The following MTA3 variants were observed in gnomAD, a reference collection of about 807,000 sequenced individuals.
MTA3 encodes the protein metastasis associated 1 family member 3, also known as metastasis-associated protein MTA3.
In MTA3, 34 loss-of-function variants were observed where a neutral mutation model predicts 83.5. The observed-to-expected ratio is 0.41, with a 90% CI of 0.31 to 0.54. MTA3 has a LOEUF of 0.54. MTA3 is among the 20% of genes least tolerant of loss of function. The probability of loss-of-function intolerance (pLI) is 0.33; values close to 1 mark genes in which losing one functional copy is unlikely to be tolerated. For missense variants in MTA3, 761 were observed against 726.4 expected (o/e 1.05, Z -0.55); for synonymous variants, 303 against 252.7 (o/e 1.20, Z -1.89).
intron 4 of MTA3, among the ~76,000 whole-genome samples, chr2:42,622,284 CAAT>C (rs1249543053): frequency 6.6e-6 from 1 of 152,034 alleles, no homozygotes; most frequent in Non-Finnish European, 1.5e-5. Flanking sequence ...CGCGCGCCTG[CAAT>C]CGCAGGCACT....
intron 2 of MTA3, among the ~76,000 whole-genome samples, chr2:42,576,144 G>GTA (rs1300145967): frequency 2.0e-5 from 3 of 152,210 alleles, no homozygotes; most frequent in Non-Finnish European, 2.9e-5. Flanking sequence ...TGAACAAGAT[G>GTA]TACATGGTCT....
intron 16 of MTA3, among the ~76,000 whole-genome samples, chr2:42,746,011 A>C (rs1669387104): frequency 6.6e-6 from 1 of 151,136 alleles, no homozygotes; most frequent in African/African-American, 2.4e-5. Flanking sequence ...ACGGGGTTTC[A>C]CCATGTTAGC....
intron 4 of MTA3, among the ~76,000 whole-genome samples, chr2:42,639,274 TG>T (rs1687485924): frequency 6.6e-6 from 1 of 152,160 alleles, no homozygotes; most frequent in African/African-American, 2.4e-5. Flanking sequence ...TGTTTTTGCA[TG>T]TTGGCTTTTG....
chr2:42,711,832 C>G (rs1405751783), intron 14 of MTA3, among the ~76,000 whole-genome samples: 1 of 102,408 alleles, frequency 9.8e-6, no homozygotes, highest in Non-Finnish European at 1.9e-5. Context: ...GTAAGTTTTC[C>G]TTAGTTTCTC....
At chr2:42,586,132 C>T (rs1680250608) in intron 3 of MTA3, among the ~76,000 whole-genome samples, 1 of 151,862 alleles carries the variant, frequency 6.6e-6, no homozygotes, top group African/African-American at 2.4e-5. Flanking sequence ...GCAAAATTAA[C>T]TGGGCATGGC....
chr2:42,530,260 C>A (rs916789419), intron 2 of MTA3, among the ~76,000 whole-genome samples: 2 of 151,648 alleles, frequency 1.3e-5, no homozygotes, highest in African/African-American at 4.8e-5. Context: ...GAGGCCAAGA[C>A]AGGCGGATCA....
chr2:42,582,079 A>G (rs961252790), intron 3 of MTA3, among the ~76,000 whole-genome samples: 2 of 149,234 alleles, frequency 1.3e-5, no homozygotes, highest in Admixed American at 1.3e-4. Context: ...TTTTTTTGAG[A>G]CGGAGTCTTG....
chr2:42,565,105 G>C (rs373836544), upstream of MTA3, among the ~76,000 whole-genome samples: 1 of 151,326 alleles, frequency 6.6e-6, no homozygotes, highest in African/African-American at 2.4e-5. Flanking sequence ...TTATTTTTTC[G>C]CACATATAAA....
chr2:42,748,101 T>C (rs1430556740), intron 16 of MTA3, among the ~76,000 whole-genome samples: 1 of 152,122 alleles, frequency 6.6e-6, no homozygotes, highest in Admixed American at 6.6e-5. Flanking sequence ...CGATCTCAGC[T>C]CTCTGCAACC....
At chr2:42,548,185 C>G (rs1676846176) in intron 2 of MTA3, among the ~76,000 whole-genome samples, 1 of 150,834 alleles carries the variant, frequency 6.6e-6, no homozygotes, top group Non-Finnish European at 1.5e-5. Flanking sequence ...TTAAAGGGGG[C>G]CGGGCGCGCT....
In MTA3 at chr2:42,753,677, C is replaced by T; in HGVS notation, c.*278C>T. 7.8e-7 allele frequency: 1 copy of T among 1,283,636 alleles called. No homozygotes were observed. The allele number at this position is 1,283,636 out of a possible 1,614,324, so 79.5% of individuals were successfully genotyped here. On this transcript the variant is annotated 3_prime_UTR_variant, in exon 17 of 17. Transcript: ENST00000405094. ...GAGAATTGAGGGGCTGAGGGAACCC[C>T]TCCACCTCCTCCCTTCTGCAGCGCC...
intron 9 of MTA3, among the ~76,000 whole-genome samples, chr2:42,694,925 A>G (rs763902337): frequency 9.9e-5 from 15 of 151,804 alleles, no homozygotes; most frequent in Non-Finnish European, 2.2e-4. Context: ...GATTCCTTGA[A>G]CCTAGTTGTT....
chr2:42,521,888 G>A (rs140916418), intron 2 of MTA3, among the ~76,000 whole-genome samples: 1,540 of 151,822 alleles, frequency 0.01, 19 homozygotes, highest in African/African-American at 0.031. Context: ...CTGAGTAGCC[G>A]GGATTACAGG....
chr2:42,753,624 A>AC lies in MTA3; in HGVS notation c.*227dup. 1 of 1,356,064 alleles carries AC rather than the reference A, an allele frequency of 7.4e-7. No homozygotes were observed. Among genetic ancestry groups the AC allele is most frequent in the South Asian group, 1.6e-5 (1 of 61,766 alleles). The allele number at this position is 1,356,064 out of a possible 1,614,324, so 84.0% of individuals were successfully genotyped here. On this transcript the variant is annotated 3_prime_UTR_variant, in exon 17 of 17. Transcript: ENST00000405094. Reference sequence around the variant, plus strand: ...GCAGCACCTCGCTTTCTTGTCAGAGACCTCGCTGTTACGGAGCGAGACCTG... The same window carrying AC: ...GCAGCACCTCGCTTTCTTGTCAGAGACCCTCGCTGTTACGGAGCGAGACCTG...
At chr2:42,532,286 G>A (rs1676016081) in intron 2 of MTA3, among the ~76,000 whole-genome samples, 1 of 152,208 alleles carries the variant, frequency 6.6e-6, no homozygotes. Context: ...TGAGATGGGT[G>A]GATCACTTGA....
At position 42,669,687 on chromosome 2, in the gene MTA3, G is replaced by A. The variant is rs548067578; in HGVS notation, c.702+9825G>A. Among the ~76,000 whole-genome samples the A allele has an allele frequency of 2.0e-5, 3 of 152,196 alleles. No individual in the cohort carries two copies. The East Asian group carries it at 5.8e-4, about 29-fold the overall frequency. ...ATCTATTACAGATGAGTGTGGAGAC[G>A]CTGCAGACTATCCTAGGAGAATTGT... On this transcript the variant is annotated intron_variant, in intron 8 of 16. Transcript: ENST00000405094.
intron 2 of MTA3, among the ~76,000 whole-genome samples, chr2:42,538,773 T>G (rs1037115365): frequency 1.9e-5 from 2 of 105,588 alleles, no homozygotes; most frequent in African/African-American, 3.8e-5. Flanking sequence ...TTTTGTTTTT[T>G]TTTGTTTTTT....
chr2:42,527,589 A>G (rs539932350), intron 2 of MTA3, among the ~76,000 whole-genome samples: 23 of 152,310 alleles, frequency 1.5e-4, no homozygotes, highest in African/African-American at 4.8e-4. Context: ...ACAGACATTT[A>G]TCTACATTAT....
At chr2:42,568,190 A>G (rs1678013760), upstream of MTA3, 3 of 152,470 alleles carry the variant, frequency 2.0e-5, no homozygotes, top group Admixed American at 2.0e-4. Context: ...GCGCTTGCCT[A>G]CTAGGGCAGC....
Sources: gnomAD v4.1 joint callset for allele counts (sites outside exome capture counted in the v4.1 genomes callset) on GRCh38, gnomAD v4.1.1 for gene constraint, MANE v1.5 for transcripts, NCBI Gene and HGNC (gene_info 2026-07-23, HGNC 2026-07-21) for gene names.